The following GABRB2 variants were observed in gnomAD, a reference collection of about 807,000 sequenced individuals.
GABRB2 encodes gamma-aminobutyric acid receptor subunit beta-2.
Under a neutral mutation model 54.7 loss-of-function variants are expected in GABRB2, and 16 were observed. That is an observed-to-expected ratio of 0.29 (90% CI 0.20 to 0.44). The LOEUF is 0.44. Ranked by LOEUF, GABRB2 falls within the 20% of genes least tolerant of loss-of-function variation. The pLI, the probability that GABRB2 is intolerant of heterozygous loss-of-function variation, is 1.00. For missense variants in GABRB2, 355 were observed against 644.0 expected (o/e 0.55, Z 4.86); for synonymous variants, 244 against 233.8 (o/e 1.04, Z -0.40).
chr5:161,539,866 G>A (rs1050483607), intron 3 of GABRB2, among the ~76,000 whole-genome samples: 1 of 152,168 alleles, frequency 6.6e-6, no homozygotes, highest in Non-Finnish European at 1.5e-5. Flanking sequence ...ATAGCATCAT[G>A]TTAAAAATGT....
At chr5:161,516,199 A>G (rs921312954) in intron 3 of GABRB2, among the ~76,000 whole-genome samples, 2 of 152,212 alleles carry the variant, frequency 1.3e-5, no homozygotes, top group African/African-American at 4.8e-5. Context: ...GTTGTTGATA[A>G]AACTTAACTT....
chr5:161,343,684 C>T (rs1561615640), intron 5 of GABRB2, among the ~76,000 whole-genome samples: 1 of 152,012 alleles, frequency 6.6e-6, no homozygotes, highest in Non-Finnish European at 1.5e-5. Flanking sequence ...ACAACAACAA[C>T]AATAATATAT....
intron 5 of GABRB2, among the ~76,000 whole-genome samples, chr5:161,384,000 G>C (rs746295456): frequency 4.6e-5 from 7 of 152,054 alleles, no homozygotes; most frequent in African/African-American, 1.7e-4. Flanking sequence ...TGATTCTCCC[G>C]CCTTGGCCTC....
intron 3 of GABRB2, among the ~76,000 whole-genome samples, chr5:161,500,347 T>C (rs867483477): frequency 1.3e-5 from 2 of 152,142 alleles, no homozygotes; most frequent in African/African-American, 2.4e-5. Context: ...ATAAAACAGA[T>C]GGCTGGAGTG....
intron 3 of GABRB2, among the ~76,000 whole-genome samples, chr5:161,522,597 T>C (rs1760149893): frequency 6.6e-6 from 1 of 151,646 alleles, no homozygotes; most frequent in Non-Finnish European, 1.5e-5. Flanking sequence ...TTTTTTTTCT[T>C]TTTGTAACTC....
At position 161,322,157 on chromosome 5, in the gene GABRB2, T is replaced by A. The variant is rs141576579; in HGVS notation, c.1191+4211A>T. On this transcript the variant is annotated intron_variant, in intron 9 of 9. Coordinates refer to ENST00000393959, the MANE Select transcript of GABRB2 (RefSeq NM_001371727.1). ...TCAAAAGAATATAGTAATAAAAATA[T>A]GGGGTAATAATAAAAACTGACATAA... 2.9e-3 allele frequency among the ~76,000 whole-genome samples: 440 copies of A among 152,226 alleles called. 4 individuals carry two copies. The highest frequency in any genetic ancestry group is 0.01 in the African/African-American group (427 of 41,536).
rs535356869 is a variant in GABRB2, at chr5:161,288,550, T to G, written c.*5531A>C. 6.6e-6 allele frequency: 1 copy of G among 152,650 alleles called. No individual in the cohort carries two copies. The highest frequency in any genetic ancestry group is 1.5e-5 in the Non-Finnish European group (1 of 68,024). 9.5% of individuals were successfully genotyped at this position (152,650 alleles called of 1,614,324 possible). A position where few individuals can be genotyped will look rare whatever the true frequency, so the allele number is the denominator to read the frequency against. ...TTTAAATTCAAGAAAATAATTCTTA[T>G]GTGCTATTCATTTATAATCCTCATT... On this transcript the variant is annotated 3_prime_UTR_variant, in exon 10 of 10. Transcript: ENST00000393959.
At chr5:161,466,488 T>C (rs1049575743) in intron 3 of GABRB2, among the ~76,000 whole-genome samples, 3 of 151,982 alleles carry the variant, frequency 2.0e-5, no homozygotes, top group Non-Finnish European at 2.9e-5. Flanking sequence ...ATTCATTCAA[T>C]GACAATTTTT....
intron 4 of GABRB2, among the ~76,000 whole-genome samples, chr5:161,434,418 G>A (rs1385645877): frequency 1.3e-5 from 2 of 152,090 alleles, no homozygotes; most frequent in Non-Finnish European, 2.9e-5. Flanking sequence ...ATAAAGTCCA[G>A]GCTCTTAAAA....
intron 3 of GABRB2, among the ~76,000 whole-genome samples, chr5:161,497,530 A>ACG (rs140910843): frequency 1.4e-5 from 2 of 147,288 alleles, no homozygotes; most frequent in Admixed American, 1.4e-4. Context: ...GTGTGTGTAT[A>ACG]TGTGTGTGTG....
chr5:161,383,711 T>C (rs1214472684), intron 5 of GABRB2, among the ~76,000 whole-genome samples: 1 of 152,188 alleles, frequency 6.6e-6, no homozygotes, highest in African/African-American at 2.4e-5. Flanking sequence ...AGTGCTAATC[T>C]ACATCCAACC....
In GABRB2 at chr5:161,473,907, T is replaced by A. The variant is rs184500052; in HGVS notation, c.238-14063A>T. Among the ~76,000 whole-genome samples, 5 of 152,076 alleles carry A rather than the reference T, an allele frequency of 3.3e-5. No individual in the cohort carries two copies. In the East Asian group the frequency reaches 9.7e-4, roughly 30 times the overall value. On this transcript the variant is annotated intron_variant, in intron 3 of 9. Coordinates refer to ENST00000393959, the MANE Select transcript of GABRB2 (RefSeq NM_001371727.1). ...GTCTAAGACAACCAGAACCCCTGTT[T>A]TCACCAGACATCAGTCTGGTAGAAG...
chr5:161,546,471 A>G (rs890609788), intron 1 of GABRB2, 58 bp from the exon 2 acceptor site: 18 of 1,578,972 alleles, frequency 1.1e-5, no homozygotes, highest in Non-Finnish European at 1.5e-5. Context: ...TAGCGTTTTC[A>G]GCATCGGATC....
At chr5:161,306,788 CT>C (rs1742654997) in intron 9 of GABRB2, among the ~76,000 whole-genome samples, 1 of 151,716 alleles carries the variant, frequency 6.6e-6, no homozygotes, top group Non-Finnish European at 1.5e-5. Context: ...GATCTAGTAG[CT>C]GTGCTTAAAA....
At chr5:161,321,639 T>C (rs947708461) in intron 9 of GABRB2, among the ~76,000 whole-genome samples, 1 of 152,182 alleles carries the variant, frequency 6.6e-6, no homozygotes, top group Non-Finnish European at 1.5e-5. Flanking sequence ...TATGTATCAA[T>C]AGTAATAACT....
intron 4 of GABRB2, among the ~76,000 whole-genome samples, chr5:161,441,242 T>TA (rs1486602817): frequency 6.6e-6 from 1 of 152,168 alleles, no homozygotes; most frequent in Non-Finnish European, 1.5e-5. Context: ...CCAGAATATA[T>TA]AAGGAGCTCA....
intron 9 of GABRB2, among the ~76,000 whole-genome samples, chr5:161,322,566 T>A (rs1758243592): frequency 6.6e-6 from 1 of 152,228 alleles, no homozygotes; most frequent in Non-Finnish European, 1.5e-5. Flanking sequence ...AGCATTTTTA[T>A]AATTAGATTC....
intron 3 of GABRB2, among the ~76,000 whole-genome samples, chr5:161,517,957 C>T (rs1360399497): frequency 6.6e-6 from 1 of 152,026 alleles, no homozygotes; most frequent in African/African-American, 2.4e-5. Flanking sequence ...CCACCACACC[C>T]GCCACCACGC....
In GABRB2 at chr5:161,330,560, T is replaced by C. The variant is rs1325225895; in HGVS notation, c.1077+323A>G. On this transcript the variant is annotated intron_variant, in intron 8 of 9. Transcript: ENST00000393959. ...ATACTGACTGAAGCAACATTAAATTTCCTTTTTAAATAAATTAGGTGAATA... is the reference window on the plus strand; with the variant it reads ...ATACTGACTGAAGCAACATTAAATTCCCTTTTTAAATAAATTAGGTGAATA... The C allele has an allele frequency of 1.5e-5, 3 of 199,970 alleles. No individual in the cohort carries two copies. The East Asian group carries it at 3.4e-4, about 23-fold the overall frequency. The allele number at this position is 199,970 out of a possible 1,614,324, so 12.4% of individuals were successfully genotyped here.
Sources: allele counts gnomAD v4.1 joint callset (sites outside exome capture counted in the v4.1 genomes callset), GRCh38; gene constraint gnomAD v4.1.1; transcripts MANE v1.5; gene names NCBI Gene and HGNC (gene_info 2026-07-23, HGNC 2026-07-21).